The following GABRG3 variants were observed in gnomAD, a reference collection of about 807,000 sequenced individuals.
GABRG3 encodes the protein gamma-aminobutyric acid receptor subunit gamma-3.
GABRG3 carries 25 observed loss-of-function variants against 48.8 expected under a neutral mutation model. That is an observed-to-expected ratio of 0.51 (90% confidence interval 0.37 to 0.72). The LOEUF (loss-of-function observed/expected upper bound fraction) is 0.72. Ranked by LOEUF, GABRG3 falls within the 30% of genes least tolerant of loss-of-function variation. The pLI, the probability that GABRG3 is intolerant of heterozygous loss-of-function variation, is 0.00. For synonymous variants in GABRG3, 227 were observed against 217.6 expected (o/e 1.04, Z -0.38); for missense variants, 394 against 577.9 (o/e 0.68, Z 3.26).
chr15:27,001,128 C>T (rs186291000), intron 2 of GABRG3, among the ~76,000 whole-genome samples: 60 of 152,360 alleles, frequency 3.9e-4, no homozygotes, highest in Non-Finnish European at 3.8e-4. Flanking sequence ...GATAATTTTG[C>T]ATGTTTGCAG....
chr15:27,268,946 C>G (rs908923319), intron 3 of GABRG3, among the ~76,000 whole-genome samples: 6 of 152,148 alleles, frequency 3.9e-5, no homozygotes, highest in Non-Finnish European at 8.8e-5. Context: ...TTTCATTTCT[C>G]AGGGATTACT....
At chr15:27,038,128 A>G (rs1228829172) in intron 3 of GABRG3, among the ~76,000 whole-genome samples, 1 of 152,172 alleles carries the variant, frequency 6.6e-6, no homozygotes, top group East Asian at 1.9e-4. Context: ...CCGGTTGGCC[A>G]CTGTAACAAA....
chr15:27,223,813 C>T (rs1001956338), intron 3 of GABRG3, among the ~76,000 whole-genome samples: 6 of 152,218 alleles, frequency 3.9e-5, no homozygotes, highest in Non-Finnish European at 7.3e-5. Context: ...TCCTGACCCA[C>T]GTCCTCATTG....
At chr15:27,490,773 C>G (rs75666840) in intron 6 of GABRG3, among the ~76,000 whole-genome samples, 2,702 of 152,288 alleles carry the variant, frequency 0.018, 67 homozygotes, top group African/African-American at 0.061. Flanking sequence ...GTTCCCACTT[C>G]GCTCTCCATA....
chr15:27,086,583 A>G (rs1244623178), intron 3 of GABRG3, among the ~76,000 whole-genome samples: 1 of 152,238 alleles, frequency 6.6e-6, no homozygotes, highest in African/African-American at 2.4e-5. Flanking sequence ...CATGGAAAGG[A>G]AATTGAACAA....
intron 2 of GABRG3, among the ~76,000 whole-genome samples, chr15:26,987,600 C>T (rs1342198893): frequency 6.6e-6 from 1 of 152,152 alleles, no homozygotes; most frequent in Non-Finnish European, 1.5e-5. Flanking sequence ...GGCATTACGT[C>T]AGAACCGCCG....
chr15:27,248,830 AG>A (rs1422850898), intron 3 of GABRG3, among the ~76,000 whole-genome samples: 137 of 147,250 alleles, frequency 9.3e-4, no homozygotes, highest in Middle Eastern at 3.4e-3. Flanking sequence ...AGAGAGAGAG[AG>A]AGAGACAGAG....
chr15:27,440,072 C>T (rs1448328059), intron 5 of GABRG3, among the ~76,000 whole-genome samples: 2 of 152,208 alleles, frequency 1.3e-5, no homozygotes, highest in Non-Finnish European at 2.9e-5. Flanking sequence ...TCCCACCCAT[C>T]CTGGGCATCT....
Position 27,388,289 on chromosome 15 carries a change from AAGAAAAG to A in GABRG3, c.574+59403_574+59409del, listed in dbSNP as rs1896077982. ...AGGGAGGGAGGGTAAGGAAGGAAGG[AAGAAAAG>A]AAGGAAGGAAAGGGAGGGAGGGAAA... On this transcript the variant is annotated intron_variant, in intron 5 of 9. Transcript: ENST00000615808. Among the ~76,000 whole-genome samples, 6 of 43,880 alleles carry A rather than the reference AAGAAAAG, an allele frequency of 1.4e-4. 1 individual carries two copies. The highest frequency in any genetic ancestry group is 2.2e-4 in the African/African-American group (2 of 8,932). The allele number at this position is 43,880 out of a possible 152,430, so 28.8% of individuals were successfully genotyped here.
chr15:27,293,448 AGGGATCACTTG>A (rs1891862264), intron 3 of GABRG3, among the ~76,000 whole-genome samples: 2 of 135,534 alleles, frequency 1.5e-5, no homozygotes, highest in African/African-American at 7.6e-5. Context: ...CAGCACTTTG[AGGGATCACTTG>A]AGGCCAGGAG....
At chr15:27,108,692 G>A (rs1897493097) in intron 3 of GABRG3, among the ~76,000 whole-genome samples, 1 of 152,092 alleles carries the variant, frequency 6.6e-6, no homozygotes, top group African/African-American at 2.4e-5. Flanking sequence ...TAGAATAGTG[G>A]ATGTCTCTGT....
chr15:27,482,666 A>G (rs529554070), intron 6 of GABRG3, among the ~76,000 whole-genome samples: 2 of 152,320 alleles, frequency 1.3e-5, no homozygotes, highest in Admixed American at 6.5e-5. Flanking sequence ...AGCATTTGCA[A>G]CACTGTCTAC....
At chr15:27,268,659 A>G (rs1190611134) in intron 3 of GABRG3, among the ~76,000 whole-genome samples, 14 of 152,136 alleles carry the variant, frequency 9.2e-5, no homozygotes, top group Admixed American at 9.2e-4. Context: ...CTTTAGTGCA[A>G]TATATTTTCT....
chr15:27,031,051 T>TACACAC (rs1334229454), intron 3 of GABRG3, among the ~76,000 whole-genome samples: 3 of 118,188 alleles, frequency 2.5e-5, no homozygotes, highest in Non-Finnish European at 5.2e-5. Flanking sequence ...TATTTTCCTC[T>TACACAC]ACACACACAC....
chr15:27,281,423 T>G (rs1432126364), intron 3 of GABRG3, among the ~76,000 whole-genome samples: 2 of 151,926 alleles, frequency 1.3e-5, no homozygotes, highest in African/African-American at 4.8e-5. Flanking sequence ...ACAGAAAAAT[T>G]GAAAGGATAG....
intron 2 of GABRG3, among the ~76,000 whole-genome samples, chr15:26,991,435 G>GT (rs1895246405): frequency 6.6e-6 from 1 of 151,762 alleles, no homozygotes; most frequent in Non-Finnish European, 1.5e-5. Context: ...TTTTAGGATA[G>GT]TTTTTTAAAA....
At chr15:27,002,744 CAAA>C (rs71413297) in intron 2 of GABRG3, among the ~76,000 whole-genome samples, 1 of 25,486 alleles carries the variant, frequency 3.9e-5, no homozygotes, top group African/African-American at 1.6e-4. Context: ...CCGTGTCTCT[CAAA>C]AAAAAAAAAA....
intron 3 of GABRG3, among the ~76,000 whole-genome samples, chr15:27,219,194 T>C (rs182460683): frequency 7.0e-4 from 106 of 152,344 alleles, no homozygotes; most frequent in African/African-American, 2.5e-3. Flanking sequence ...CTGTGCCATA[T>C]TATTTTCTAT....
chr15:27,162,983 T>G (rs973080121), intron 3 of GABRG3, among the ~76,000 whole-genome samples: 1 of 151,996 alleles, frequency 6.6e-6, no homozygotes, highest in African/African-American at 2.4e-5. Flanking sequence ...ACAATCTTAG[T>G]AGGTGACCCA....
Sources: gnomAD v4.1 joint callset for allele counts (sites outside exome capture counted in the v4.1 genomes callset) on GRCh38, gnomAD v4.1.1 for gene constraint, MANE v1.5 for transcripts, NCBI Gene and HGNC (gene_info 2026-07-23, HGNC 2026-07-21) for gene names.